Variants in ZKSCAN7 observed in about 807,000 individuals in gnomAD.
ZKSCAN7 encodes the protein zinc finger with KRAB and SCAN domains 7.
A neutral mutation model predicts 65.3 loss-of-function variants in ZKSCAN7; 38 were observed. The observed-to-expected ratio is 0.58, with a 90% CI of 0.45 to 0.76. ZKSCAN7 has a LOEUF of 0.76. Ranked by LOEUF, ZKSCAN7 falls within the 30% of genes least tolerant of loss-of-function variation. The probability of loss-of-function intolerance (pLI) is 0.00; values close to 1 mark genes in which losing one functional copy is unlikely to be tolerated. For missense variants in ZKSCAN7, 815 were observed against 913.3 expected (o/e 0.89, Z 1.39); for synonymous variants, 321 against 321.0 (o/e 1.00, Z 0.00).
intron 5 of ZKSCAN7, among the ~76,000 whole-genome samples, chr3:44,581,786 C>T (rs1700092050): frequency 6.6e-6 from 1 of 152,198 alleles, no homozygotes; most frequent in Admixed American, 6.5e-5. Flanking sequence ...AAATATTCTA[C>T]AGCCAAACCC....
chr3:44,561,005 A>G (rs1699460541), intron 2 of ZKSCAN7, among the ~76,000 whole-genome samples: 1 of 152,354 alleles, frequency 6.6e-6, no homozygotes, highest in African/African-American at 2.4e-5. Flanking sequence ...TTCTAAGCCA[A>G]CAGCTTTTCT....
intron 5 of ZKSCAN7, chr3:44,580,280 G>T: frequency 6.2e-7 from 1 of 1,613,812 alleles, no homozygotes; most frequent in Non-Finnish European, 8.5e-7. Context: ...CCATGCGGTC[G>T]CTACTCATGG....
In ZKSCAN7 at chr3:44,569,947, A is replaced by G; in HGVS notation, c.837A>G (p.Ser279=). ...SLAGENMMKG[S]ELTPKQEFFK... Reference sequence around the variant, plus strand: ...CAGGTGAGAACATGATGAAGGGTTCAGAGTTGACTCCAAAGCAGGAATTTT... The same window carrying G: ...CAGGTGAGAACATGATGAAGGGTTCGGAGTTGACTCCAAAGCAGGAATTTT... The change falls in exon 6 of 6, where the codon TCA becomes TCG. Residue 279 remains serine (S), a synonymous_variant. Coordinates refer to ENST00000426540, the MANE Select transcript of ZKSCAN7 (RefSeq NM_001288590.2). The G allele has an allele frequency of 1.3e-6, 2 of 1,557,520 alleles. No individual in the cohort carries two copies. The highest frequency in any genetic ancestry group is 2.5e-5 in the South Asian group (2 of 79,836).
chr3:44,578,759 C>T (rs994497083), intron 5 of ZKSCAN7, among the ~76,000 whole-genome samples: 6 of 152,208 alleles, frequency 3.9e-5, no homozygotes, highest in Non-Finnish European at 8.8e-5. Flanking sequence ...GGCTAGGAGT[C>T]GGTCTTTCTC....
chr3:44,558,516 C>T (rs1276083254), intron 2 of ZKSCAN7, among the ~76,000 whole-genome samples: 2 of 145,224 alleles, frequency 1.4e-5, no homozygotes, highest in Admixed American at 7.0e-5. Context: ...CAGAGCGAGA[C>T]TTCATCTCAA....
chr3:44,563,288 G>A (rs140078975), intron 2 of ZKSCAN7, among the ~76,000 whole-genome samples: 3 of 152,218 alleles, frequency 2.0e-5, no homozygotes, highest in African/African-American at 7.2e-5. Flanking sequence ...GCCTCTACCT[G>A]TTACCCAGTT....
intron 5 of ZKSCAN7, chr3:44,579,856 C>T: frequency 6.2e-7 from 1 of 1,610,662 alleles, no homozygotes; most frequent in Non-Finnish European, 8.5e-7. Context: ...GCTTAGTCAG[C>T]CAGCCTTTCT....
At position 44,581,037 on chromosome 3, in the gene ZKSCAN7, G is replaced by GCGT. The variant is rs1389766518; in HGVS notation, c.812-1933_812-1932insTCG. On this transcript the variant is annotated intron_variant, in intron 5 of 5. Transcript: ENST00000341840. ...CTTGGCTGCCGACATGGTCGGCGCG[G>GCGT]CGGCGGCGGCGGCGCAGGCCCGGCC... The GCGT allele has an allele frequency of 5.2e-6, 8 of 1,537,890 alleles. No homozygotes were observed. The East Asian group carries it at 7.4e-5, about 14-fold the overall frequency.
intron 2 of ZKSCAN7, among the ~76,000 whole-genome samples, chr3:44,558,174 G>GAT (rs1553619849): frequency 6.7e-6 from 1 of 148,450 alleles, no homozygotes; most frequent in East Asian, 2.0e-4. Flanking sequence ...AGGAGAGAGG[G>GAT]GTGTGTGTGT....
rs144736800 is a variant in ZKSCAN7 at position 44,570,603 on chromosome 3, A to C, written c.1493A>C (p.Asn498Thr). ...THTGEKPYEC[N>T]ECGEAFIRSK... ...ACTGGGGAGAAACCTTATGAATGCAATGAGTGTGGAGAGGCATTCATTCGA... is the reference window on the plus strand; with the variant it reads ...ACTGGGGAGAAACCTTATGAATGCACTGAGTGTGGAGAGGCATTCATTCGA... The change falls in exon 6 of 6, where the codon AAT becomes ACT. Residue 498 changes from asparagine to threonine, a missense_variant. Physicochemically the swap from Asn to Thr is moderately conservative, Grantham distance 65. This residue lies in a region of ZKSCAN7 where 578 missense variants were observed against 629.5 expected (regional missense o/e 0.92). Transcript: ENST00000426540. 1.2e-6 allele frequency: 2 copies of C among 1,614,006 alleles called. No homozygotes were observed. Among genetic ancestry groups the C allele is most frequent in the Non-Finnish European group, 1.7e-6 (2 of 1,180,024 alleles).
rs998863628 is a variant in ZKSCAN7 at position 44,583,244 on chromosome 3, C to T, written c.*253C>T. ...CACCCAGCCTATTCTTTTTAAGTTT[C>T]TTGATGTAGTGGCAGTAGTCTTGTG... On this transcript the variant is annotated 3_prime_UTR_variant, in exon 6 of 6. Coordinates refer to the ZKSCAN7 transcript ENST00000341840. 3 of 213,656 alleles carry T rather than the reference C, an allele frequency of 1.4e-5. No individual in the cohort carries two copies. In the Admixed American group the frequency reaches 1.8e-4, roughly 13 times the overall value. 13.2% of individuals were successfully genotyped at this position (213,656 alleles called of 1,614,324 possible). A position where few individuals can be genotyped will look rare whatever the true frequency, so the allele number is the denominator to read the frequency against.
chr3:44,569,847 G>T lies in ZKSCAN7; in HGVS notation c.812-75G>T. 4.8e-6 allele frequency: 7 copies of T among 1,463,606 alleles called. No homozygotes were observed. The South Asian group carries it at 5.0e-5, about 10-fold the overall frequency. 90.7% of individuals were successfully genotyped at this position (1,463,606 alleles called of 1,614,324 possible). A position where few individuals can be genotyped will look rare whatever the true frequency, so the allele number is the denominator to read the frequency against. ...CATAATGTGACTTTTTTTCAGGTATGTTAGCTCTTAATGATTCTCTTTCTT... is the reference window on the plus strand; with the variant it reads ...CATAATGTGACTTTTTTTCAGGTATTTTAGCTCTTAATGATTCTCTTTCTT... On this transcript the variant is annotated intron_variant, in intron 5 of 5. Coordinates refer to ENST00000426540, the MANE Select transcript of ZKSCAN7 (RefSeq NM_001288590.2).
Position 44,571,600 on chromosome 3 carries a change from T to C in ZKSCAN7, c.*225T>C. On this transcript the variant is annotated 3_prime_UTR_variant, in exon 6 of 6. Transcript: ENST00000426540. ...TCATTGAATTGTAGGTTTCCTTTTT[T>C]TTTCTTTACTTTTAAATTTTAACTT... 7.4e-7 allele frequency: 1 copy of C among 1,357,556 alleles called. No individual in the cohort carries two copies. Among genetic ancestry groups the C allele is most frequent in the Admixed American group, 3.5e-5 (1 of 28,684 alleles). The allele number at this position is 1,357,556 out of a possible 1,614,324, so 84.1% of individuals were successfully genotyped here. A position where few individuals can be genotyped will look rare whatever the true frequency, so the allele number is the denominator to read the frequency against.
rs571510418 is a variant in ZKSCAN7, at chr3:44,555,444, T to C, written c.-156T>C. The C allele has an allele frequency of 6.6e-6, 1 of 152,316 alleles. No homozygotes were observed. The highest frequency in any genetic ancestry group is 6.5e-5 in the Admixed American group (1 of 15,290). The allele number at this position is 152,316 out of a possible 1,614,324, so 9.4% of individuals were successfully genotyped here. On this transcript the variant is annotated 5_prime_UTR_variant, in exon 1 of 6. Coordinates refer to ENST00000426540, the MANE Select transcript of ZKSCAN7 (RefSeq NM_001288590.2). ...TTCGTGCGTGGCACGGAGCCGGGTA[T>C]CTGCGGGTACAGCGATGAACAGGGC...
chr3:44,568,192 C>T (rs1436037364), intron 4 of ZKSCAN7, 115 bp from the exon 5 acceptor site: 14 of 1,547,274 alleles, frequency 9.0e-6, no homozygotes, highest in Non-Finnish European at 1.1e-5. Flanking sequence ...CATCTCAGCT[C>T]CTCTCTCCCA....
intron 5 of ZKSCAN7, chr3:44,581,148 C>T (rs926882354): frequency 2.1e-6 from 2 of 940,496 alleles, no homozygotes; most frequent in Non-Finnish European, 2.5e-6. Context: ...GACCGGCCTC[C>T]TTCCCTGCGG....
chr3:44,556,710 G>C lies in ZKSCAN7; in HGVS notation c.-118-220G>C, dbSNP rs560104056. On this transcript the variant is annotated intron_variant, in intron 1 of 5. Coordinates refer to ENST00000426540, the MANE Select transcript of ZKSCAN7 (RefSeq NM_001288590.2). ...GTTGTGAAGGGGGTAAGGCCAGGTT[G>C]TGAAGGGCTGTGAATGCAAGGCATA... 2.6e-5 allele frequency among the ~76,000 whole-genome samples: 4 copies of C among 152,318 alleles called. No individual in the cohort carries two copies. The Middle Eastern group carries it at 0.014, about 518-fold the overall frequency.
chr3:44,565,374 A>T, intron 2 of ZKSCAN7, 113 bp from the exon 3 acceptor site: 1 of 1,078,830 alleles, frequency 9.3e-7, no homozygotes, highest in South Asian at 2.0e-5. Flanking sequence ...CTGGAAGGAC[A>T]CCCTGGCTCT....
At chr3:44,577,888 A>G (rs1699955841) in intron 5 of ZKSCAN7, among the ~76,000 whole-genome samples, 1 of 152,166 alleles carries the variant, frequency 6.6e-6, no homozygotes, top group East Asian at 1.9e-4. Flanking sequence ...CAAGCTGGGG[A>G]AGGTGCGTGC....
Sources: gnomAD v4.1 joint callset for allele counts (sites outside exome capture counted in the v4.1 genomes callset) on GRCh38, gnomAD v4.1.1 for gene constraint, gnomAD v4.1.1 regional missense constraint, MANE v1.5 for transcripts, NCBI Gene and HGNC (gene_info 2026-07-23, HGNC 2026-07-21) for gene names.